Variants in RUNX1T1 observed in about 807,000 individuals in gnomAD.
RUNX1T1 encodes RUNX1 partner transcriptional co-repressor 1.
In RUNX1T1, 4 loss-of-function variants were observed where a neutral mutation model predicts 62.8. That is an observed-to-expected ratio of 0.06 (90% CI 0.03 to 0.15). The LOEUF (loss-of-function observed/expected upper bound fraction) is 0.15, where lower values mean the gene tolerates loss of function less well. Ranked by LOEUF, RUNX1T1 falls within the 10% of genes least tolerant of loss-of-function variation. RUNX1T1 has a pLI of 1.00. For synonymous variants in RUNX1T1, 291 were observed against 286.0 expected (o/e 1.02, Z -0.18); for missense variants, 508 against 754.3 (o/e 0.67, Z 3.82).
At position 91,959,494 on chromosome 8, in the gene RUNX1T1, A is replaced by G. The variant is rs796124097; in HGVS notation, c.*748T>C. 582 of 131,640 alleles carry G rather than the reference A, an allele frequency of 4.4e-3. 20 individuals are homozygous for G. The highest frequency in any genetic ancestry group is 0.016 in the African/African-American group (466 of 29,482). The allele number at this position is 131,640 out of a possible 1,614,324, so 8.2% of individuals were successfully genotyped here. A position where few individuals can be genotyped will look rare whatever the true frequency, so the allele number is the denominator to read the frequency against. On this transcript the variant is annotated 3_prime_UTR_variant, in exon 11 of 11. Transcript: ENST00000396218. ...TATGTGCGTGTGTGTGTGTGTATAT[A>G]TATATATATATATATATATATGGAG...
chr8:92,021,185 A>G (rs1208935168), intron 1 of RUNX1T1, among the ~76,000 whole-genome samples: 1 of 152,234 alleles, frequency 6.6e-6, no homozygotes, highest in African/African-American at 2.4e-5. Context: ...TATGTACTAG[A>G]GAGGATAAGC....
At chr8:91,971,514 T>C (rs953467255) in intron 9 of RUNX1T1, among the ~76,000 whole-genome samples, 1 of 152,224 alleles carries the variant, frequency 6.6e-6, no homozygotes, top group African/African-American at 2.4e-5. Flanking sequence ...GCAATTAAGT[T>C]ACTATAGACC....
intron 10 of RUNX1T1, among the ~76,000 whole-genome samples, chr8:91,968,319 G>A (rs1812067664): frequency 6.6e-6 from 1 of 152,184 alleles, no homozygotes; most frequent in Non-Finnish European, 1.5e-5. Flanking sequence ...GACACTAGGT[G>A]TCAATGGACA....
At chr8:92,079,640 CTCTCT>C (rs1320723961) in intron 1 of RUNX1T1, among the ~76,000 whole-genome samples, 1 of 152,154 alleles carries the variant, frequency 6.6e-6, no homozygotes, top group Non-Finnish European at 1.5e-5. Flanking sequence ...GATTCTCCTT[CTCTCT>C]TCTAACTACT....
At chr8:92,029,519 T>C (rs922225236) in intron 1 of RUNX1T1, among the ~76,000 whole-genome samples, 11 of 152,088 alleles carry the variant, frequency 7.2e-5, no homozygotes, top group Non-Finnish European at 1.5e-4. Flanking sequence ...TAAAAACCAA[T>C]GCCAAAACCC....
At chr8:91,974,963 C>G (rs1813603178) in intron 9 of RUNX1T1, among the ~76,000 whole-genome samples, 1 of 152,110 alleles carries the variant, frequency 6.6e-6, no homozygotes, top group African/African-American at 2.4e-5. Context: ...AAAGAGAAAT[C>G]TTCTGTAGAA....
At chr8:92,078,058 A>G (rs958775443) in intron 1 of RUNX1T1, among the ~76,000 whole-genome samples, 1 of 152,164 alleles carries the variant, frequency 6.6e-6, no homozygotes, top group Non-Finnish European at 1.5e-5. Flanking sequence ...TTAAATGTGC[A>G]TATTTATAAA....
downstream of RUNX1T1, chr8:91,956,536 C>A (rs1360459020): frequency 4.6e-6 from 1 of 219,762 alleles, no homozygotes; most frequent in Non-Finnish European, 9.1e-6. Flanking sequence ...GTAAAGAATA[C>A]AACAATACCT....
At chr8:92,039,304 G>C (rs1828005179) in intron 1 of RUNX1T1, among the ~76,000 whole-genome samples, 1 of 152,024 alleles carries the variant, frequency 6.6e-6, no homozygotes, top group African/African-American at 2.4e-5. Context: ...ACCACGCCTG[G>C]CCCAAAAGGC....
At chr8:92,037,418 C>T (rs1391541926) in intron 1 of RUNX1T1, among the ~76,000 whole-genome samples, 3 of 152,180 alleles carry the variant, frequency 2.0e-5, no homozygotes, top group African/African-American at 7.2e-5. Context: ...TGACTCATGC[C>T]TGTAATCCCA....
intron 1 of RUNX1T1, among the ~76,000 whole-genome samples, chr8:92,034,815 C>CATATATAT (rs1563811269): frequency 0.015 from 1,589 of 109,520 alleles, 68 homozygotes; most frequent in African/African-American, 0.059. Context: ...CACACACACA[C>CATATATAT]ACACACACAC....
At chr8:92,023,966 A>T in intron 1 of RUNX1T1, among the ~76,000 whole-genome samples, 1 of 152,206 alleles carries the variant, frequency 6.6e-6, no homozygotes, top group East Asian at 1.9e-4. Context: ...TCTAGAAAGC[A>T]GGTCTACAGC....
chr8:92,023,371 G>A (rs2131235012), intron 1 of RUNX1T1, among the ~76,000 whole-genome samples: 1 of 152,228 alleles, frequency 6.6e-6, no homozygotes, highest in Non-Finnish European at 1.5e-5. Flanking sequence ...TGACCACCCT[G>A]AAAACATATA....
At chr8:92,036,777 G>C (rs1306509203) in intron 1 of RUNX1T1, among the ~76,000 whole-genome samples, 1 of 152,158 alleles carries the variant, frequency 6.6e-6, no homozygotes, top group Admixed American at 6.5e-5. Flanking sequence ...TATTTGAGCT[G>C]ACTCTAGACA....
At chr8:92,012,034 C>G (rs183087925) in intron 3 of RUNX1T1, among the ~76,000 whole-genome samples, 1 of 152,168 alleles carries the variant, frequency 6.6e-6, no homozygotes, top group Admixed American at 6.5e-5. Context: ...TGTGACCTAA[C>G]GTCATTACAA....
At chr8:91,989,269 A>G (rs1421556353) in intron 6 of RUNX1T1, among the ~76,000 whole-genome samples, 1 of 152,156 alleles carries the variant, frequency 6.6e-6, no homozygotes, top group East Asian at 1.9e-4. Flanking sequence ...CTTTATGACA[A>G]TTTTTATATT....
intron 1 of RUNX1T1, among the ~76,000 whole-genome samples, chr8:92,056,465 T>G (rs893166118): frequency 4.6e-5 from 7 of 152,202 alleles, no homozygotes; most frequent in Admixed American, 3.9e-4. Context: ...CTCTGTATAA[T>G]GTTAATAAAC....
At chr8:92,063,749 T>A (rs749264363), upstream of RUNX1T1, 1 of 152,242 alleles carries the variant, frequency 6.6e-6, no homozygotes, top group Non-Finnish European at 1.5e-5. Flanking sequence ...TGTTCTCTCC[T>A]AAAACTCTTT....
At chr8:91,970,290 C>T (rs756203087) in intron 10 of RUNX1T1, among the ~76,000 whole-genome samples, 9 of 152,134 alleles carry the variant, frequency 5.9e-5, no homozygotes, top group Admixed American at 1.3e-4. Flanking sequence ...TTGGAGACCA[C>T]AGCTTACACA....
Sources: gnomAD v4.1 joint callset for allele counts (sites outside exome capture counted in the v4.1 genomes callset) on GRCh38, gnomAD v4.1.1 for gene constraint, MANE v1.5 for transcripts, NCBI Gene and HGNC (gene_info 2026-07-23, HGNC 2026-07-21) for gene names.